Variants in PCDH15 observed in about 807,000 individuals in gnomAD.
PCDH15 encodes the protein protocadherin related 15.
Under a neutral mutation model 178.5 loss-of-function variants are expected in PCDH15, and 129 were observed. The ratio of observed to expected loss-of-function variants is 0.72; its 90% CI spans 0.63 to 0.84. The LOEUF (loss-of-function observed/expected upper bound fraction) is 0.84, where lower values mean the gene tolerates loss of function less well. Among genes scored for constraint, PCDH15 ranks in the 40% least tolerant of loss-of-function variants. The pLI is 0.00. For missense variants in PCDH15, 2,230 were observed against 2,099.9 expected, an observed-to-expected ratio of 1.06 and a Z score of -1.21; for synonymous variants, 800 against 732.0, an observed-to-expected ratio of 1.09 and a Z score of -1.50.
chr10:54,718,145 A>C (rs1348021594), intron 1 of PCDH15, among the ~76,000 whole-genome samples: 2 of 149,462 alleles, frequency 1.3e-5, no homozygotes, highest in Non-Finnish European at 3.0e-5. Context: ...TAGCATTGGG[A>C]GATATACCTA....
intron 1 of PCDH15, among the ~76,000 whole-genome samples, chr10:54,791,735 T>C (rs1463385562): frequency 6.6e-6 from 1 of 151,888 alleles, no homozygotes; most frequent in Non-Finnish European, 1.5e-5. Flanking sequence ...GGTGATTCTA[T>C]CTTTAAAATG....
At position 54,853,420 on chromosome 10, in the gene PCDH15, CAT is replaced by C. The variant is rs1467716048; in HGVS notation, c.-29+44028_-29+44029del. On this transcript the variant is annotated intron_variant, in intron 3 of 5. Transcript: ENST00000458638. Reference sequence around the variant, plus strand: ...ATACACACACATATATATACACATACATATATATATACACATACACATATATA... The same window carrying C: ...ATACACACACATATATATACACATACATATATATACACATACACATATATA... Among the ~76,000 whole-genome samples, 571 of 142,188 alleles carry C rather than the reference CAT, an allele frequency of 4.0e-3. 2 individuals carry two copies. The highest frequency in any genetic ancestry group is 0.014 in the African/African-American group (524 of 38,788). 93.3% of individuals were successfully genotyped at this position (142,188 alleles called of 152,430 possible).
At chr10:54,521,722 G>A (rs1206493460) in intron 3 of PCDH15, among the ~76,000 whole-genome samples, 1 of 152,012 alleles carries the variant, frequency 6.6e-6, no homozygotes, top group Non-Finnish European at 1.5e-5. Flanking sequence ...TGTTAAATGA[G>A]GCAGTGATAC....
intron 3 of PCDH15, among the ~76,000 whole-genome samples, chr10:54,395,410 T>C (rs756741143): frequency 7.0e-6 from 1 of 142,150 alleles, no homozygotes; most frequent in Non-Finnish European, 1.5e-5. Flanking sequence ...TATTCCTGTC[T>C]ATCTCTATGT....
chr10:54,766,950 C>A (rs570062774), intron 1 of PCDH15, among the ~76,000 whole-genome samples: 1 of 147,512 alleles, frequency 6.8e-6, no homozygotes, highest in East Asian at 2.0e-4. Flanking sequence ...AAAAAAAAAT[C>A]TATCCACTAT....
At chr10:55,175,981 C>T (rs1250830145) in intron 1 of PCDH15, among the ~76,000 whole-genome samples, 2 of 151,958 alleles carry the variant, frequency 1.3e-5, no homozygotes, top group Admixed American at 6.6e-5. Flanking sequence ...TGGACTGTCC[C>T]GGGAGATGCA....
At chr10:54,904,382 A>G (rs1241599689) in intron 2 of PCDH15, among the ~76,000 whole-genome samples, 5 of 151,966 alleles carry the variant, frequency 3.3e-5, no homozygotes, top group African/African-American at 1.2e-4. Flanking sequence ...TCTAGTTACA[A>G]TTTATGTATT....
At chr10:54,811,754 C>T (rs539432161) in intron 3 of PCDH15, among the ~76,000 whole-genome samples, 1 of 152,284 alleles carries the variant, frequency 6.6e-6, no homozygotes, top group East Asian at 1.9e-4. Flanking sequence ...CAGGCGTGAG[C>T]CACCGCACCT....
intron 3 of PCDH15, among the ~76,000 whole-genome samples, chr10:54,404,128 A>G (rs942245452): frequency 2.0e-5 from 3 of 151,874 alleles, no homozygotes; most frequent in Admixed American, 6.6e-5. Flanking sequence ...TAATATTCAT[A>G]TTATAAATAT....
intron 2 of PCDH15, among the ~76,000 whole-genome samples, chr10:55,602,556 G>A (rs563913283): frequency 3.7e-4 from 56 of 152,060 alleles, no homozygotes; most frequent in Middle Eastern, 3.4e-3. Flanking sequence ...CAGGCAGACT[G>A]CCTCCTCAAG....
chr10:54,140,969 A>T (rs1475382930), intron 14 of PCDH15, among the ~76,000 whole-genome samples: 1 of 152,084 alleles, frequency 6.6e-6, no homozygotes, highest in Non-Finnish European at 1.5e-5. Context: ...GGCATGAGCC[A>T]CCATGCCTGA....
chr10:54,242,445 A>G (rs2055506269), intron 8 of PCDH15, among the ~76,000 whole-genome samples: 1 of 151,784 alleles, frequency 6.6e-6, no homozygotes, highest in South Asian at 2.1e-4. Context: ...TTAACCTATT[A>G]TATCATCCCT....
chr10:54,251,969 C>T (rs2056513386), intron 8 of PCDH15, among the ~76,000 whole-genome samples: 1 of 151,930 alleles, frequency 6.6e-6, no homozygotes, highest in Non-Finnish European at 1.5e-5. Context: ...TATATGCTCC[C>T]CCCTGCCTTT....
At chr10:53,857,119 C>T (rs2078800003) in intron 28 of PCDH15, 56 bp downstream of exon 28, 7 of 1,223,416 alleles carry the variant, frequency 5.7e-6, no homozygotes, top group Admixed American at 1.8e-5. Flanking sequence ...TTAAAAAATA[C>T]AGTTAAAAAT....
At chr10:54,393,757 A>G (rs1190779080) in intron 3 of PCDH15, among the ~76,000 whole-genome samples, 2 of 152,204 alleles carry the variant, frequency 1.3e-5, no homozygotes, top group Admixed American at 6.5e-5. Context: ...TATTTTCAGT[A>G]TAAAGAGCCC....
intron 2 of PCDH15, among the ~76,000 whole-genome samples, chr10:54,624,109 C>A (rs544612458): frequency 1.3e-5 from 2 of 151,964 alleles, no homozygotes; most frequent in African/African-American, 4.8e-5. Flanking sequence ...TTTGCTCATG[C>A]GGAAATATGT....
At chr10:55,420,397 CA>C (rs1222420979) in intron 2 of PCDH15, among the ~76,000 whole-genome samples, 1 of 151,484 alleles carries the variant, frequency 6.6e-6, no homozygotes, top group East Asian at 1.9e-4. Flanking sequence ...AGGAGGTTGG[CA>C]AGAATGAGAA....
intron 6 of PCDH15, among the ~76,000 whole-genome samples, chr10:54,334,644 G>A (rs1940652489): frequency 6.6e-6 from 1 of 150,994 alleles, no homozygotes; most frequent in Admixed American, 6.6e-5. Flanking sequence ...CAGCTGTGAT[G>A]ACTAGAAATT....
chr10:55,336,602 G>T (rs1451286809), intron 2 of PCDH15, among the ~76,000 whole-genome samples: 1 of 152,078 alleles, frequency 6.6e-6, no homozygotes, highest in Admixed American at 6.6e-5. Context: ...AAACGTGGAG[G>T]AAAGTAATGT....
Sources: allele counts gnomAD v4.1 joint callset (sites outside exome capture counted in the v4.1 genomes callset), GRCh38; gene constraint gnomAD v4.1.1; transcripts MANE v1.5; gene names NCBI Gene and HGNC (gene_info 2026-07-23, HGNC 2026-07-21).